The following KCNQ3 variants were observed in gnomAD, a reference collection of about 807,000 sequenced individuals.
KCNQ3 encodes potassium voltage-gated channel subfamily KQT member 3.
Under a neutral mutation model 92.5 loss-of-function variants are expected in KCNQ3, and 30 were observed. That is an observed-to-expected ratio of 0.32 (90% CI 0.24 to 0.44). The LOEUF is 0.44. Among genes scored for constraint, KCNQ3 ranks in the 20% least tolerant of loss-of-function variants. The pLI, the probability that KCNQ3 is intolerant of heterozygous loss-of-function variation, is 1.00. For synonymous variants in KCNQ3, 450 were observed against 468.8 expected, an observed-to-expected ratio of 0.96 and a Z score of 0.52; for missense variants, 913 against 1,140.3, an observed-to-expected ratio of 0.80 and a Z score of 2.87.
At chr8:132,302,444 C>T (rs546320964) in intron 1 of KCNQ3, among the ~76,000 whole-genome samples, 1 of 152,338 alleles carries the variant, frequency 6.6e-6, no homozygotes, top group South Asian at 2.1e-4. Flanking sequence ...ACACTTTACT[C>T]TTGATATGAT....
intron 1 of KCNQ3, among the ~76,000 whole-genome samples, chr8:132,360,481 G>A (rs576569673): frequency 3.3e-5 from 5 of 152,308 alleles, no homozygotes; most frequent in Admixed American, 2.0e-4. Flanking sequence ...CAGGAACAGA[G>A]CCAGGCACAT....
At chr8:132,463,873 C>T (rs1314850171) in intron 1 of KCNQ3, among the ~76,000 whole-genome samples, 4 of 152,208 alleles carry the variant, frequency 2.6e-5, no homozygotes, top group East Asian at 1.9e-4. Context: ...AGTGCAATGG[C>T]ACAGTCTCGG....
intron 1 of KCNQ3, among the ~76,000 whole-genome samples, chr8:132,273,448 A>C (rs945496048): frequency 5.3e-5 from 8 of 152,186 alleles, no homozygotes; most frequent in African/African-American, 1.9e-4. Context: ...CCCTGGGCCC[A>C]GCCCATGAAA....
At chr8:132,205,590 C>T (rs1007219379) in intron 1 of KCNQ3, among the ~76,000 whole-genome samples, 1 of 152,198 alleles carries the variant, frequency 6.6e-6, no homozygotes, top group Non-Finnish European at 1.5e-5. Context: ...TCTTTGATCC[C>T]AGCCTCTTAT....
chr8:132,403,016 C>CAAAAAA (rs375099145), intron 1 of KCNQ3, among the ~76,000 whole-genome samples: 1,904 of 67,566 alleles, frequency 0.028, 291 homozygotes, highest in African/African-American at 0.1. Context: ...GGCACCATCA[C>CAAAAAA]AAAAAAAAAA....
chr8:132,451,979 G>C (rs547861389), intron 1 of KCNQ3, among the ~76,000 whole-genome samples: 7 of 152,262 alleles, frequency 4.6e-5, no homozygotes, highest in Admixed American at 1.3e-4. Context: ...CCCTGGAGTT[G>C]GAGGGCACCT....
At position 132,155,448 on chromosome 8, in the gene KCNQ3, G is replaced by A. The variant is rs549055859; in HGVS notation, c.1262+8020C>T. Among the ~76,000 whole-genome samples, 9 of 152,254 alleles carry A rather than the reference G, an allele frequency of 5.9e-5. No individual in the cohort carries two copies. The South Asian group carries it at 1.5e-3, about 25-fold the overall frequency. Reference sequence around the variant, plus strand: ...ACCTGGAAATATGGTTGCAAATCAGGATAACAATGATAATAAAAGCAAACC... The same window carrying A: ...ACCTGGAAATATGGTTGCAAATCAGAATAACAATGATAATAAAAGCAAACC... On this transcript the variant is annotated intron_variant, in intron 9 of 14. Transcript: ENST00000388996.
intron 1 of KCNQ3, among the ~76,000 whole-genome samples, chr8:132,247,196 A>G (rs1312821042): frequency 6.6e-6 from 1 of 152,172 alleles, no homozygotes; most frequent in Non-Finnish European, 1.5e-5. Context: ...TACTTTCTCC[A>G]TGAACTCCAA....
intron 3 of KCNQ3, among the ~76,000 whole-genome samples, chr8:132,180,832 T>A (rs1451062638): frequency 1.0e-4 from 4 of 38,328 alleles, no homozygotes; most frequent in African/African-American, 4.3e-4. Context: ...AGAGAGAGAA[T>A]GTTAAAAAAA....
At chr8:132,382,922 A>G (rs1296685040) in intron 1 of KCNQ3, among the ~76,000 whole-genome samples, 1 of 152,204 alleles carries the variant, frequency 6.6e-6, no homozygotes, top group Non-Finnish European at 1.5e-5. Context: ...CATCTGTAAA[A>G]TGGAGCTAAG....
At chr8:132,359,327 T>A (rs954570482) in intron 1 of KCNQ3, among the ~76,000 whole-genome samples, 2 of 152,222 alleles carry the variant, frequency 1.3e-5, no homozygotes, top group African/African-American at 4.8e-5. Context: ...CACTTGCCAA[T>A]TTCCCAGCAT....
intron 1 of KCNQ3, among the ~76,000 whole-genome samples, chr8:132,410,320 G>A (rs1352533170): frequency 6.6e-6 from 1 of 152,174 alleles, no homozygotes; most frequent in African/African-American, 2.4e-5. Flanking sequence ...TTCCTAAAGG[G>A]AGAGGTAAAT....
At chr8:132,166,567 G>A (rs1826149085) in intron 8 of KCNQ3, among the ~76,000 whole-genome samples, 1 of 152,058 alleles carries the variant, frequency 6.6e-6, no homozygotes, top group African/African-American at 2.4e-5. Flanking sequence ...AACTTCTTGG[G>A]GGTTCCTGAA....
chr8:132,269,159 C>T (rs1030453000), intron 1 of KCNQ3, among the ~76,000 whole-genome samples: 1 of 152,130 alleles, frequency 6.6e-6, no homozygotes, highest in Non-Finnish European at 1.5e-5. Context: ...ACAGTCTGTG[C>T]TTGTCTTTTC....
At position 132,139,950 on chromosome 8, in the gene KCNQ3, G is replaced by C. The variant is rs967059910; in HGVS notation, c.1568+126C>G. 1.8e-5 allele frequency: 12 copies of C among 672,880 alleles called. No individual in the cohort carries two copies. The African/African-American group carries it at 2.0e-4, about 11-fold the overall frequency. 41.7% of individuals were successfully genotyped at this position (672,880 alleles called of 1,614,324 possible). Reference sequence around the variant, plus strand: ...TTACATACTTCAGGGACCTAACTCAGGGTTAGTGGAGGGGCTTCTCTTCCC... The same window carrying C: ...TTACATACTTCAGGGACCTAACTCACGGTTAGTGGAGGGGCTTCTCTTCCC... On this transcript the variant is annotated intron_variant, in intron 11 of 14. Transcript: ENST00000388996.
At chr8:132,429,201 G>C (rs901888669) in intron 1 of KCNQ3, among the ~76,000 whole-genome samples, 1 of 152,184 alleles carries the variant, frequency 6.6e-6, no homozygotes, top group African/African-American at 2.4e-5. Flanking sequence ...TGAAGAAGTG[G>C]ATGACCTGGT....
chr8:132,140,188 A>T lies in KCNQ3; in HGVS notation c.1466-10T>A, dbSNP rs753244406. 5 of 1,601,988 alleles carry T rather than the reference A, an allele frequency of 3.1e-6. No individual in the cohort carries two copies. Among genetic ancestry groups the T allele is most frequent in the Non-Finnish European group, 4.3e-6 (5 of 1,169,814 alleles). On this transcript the variant is annotated splice_polypyrimidine_tract_variant and intron_variant, in intron 10 of 14. Transcript: ENST00000388996. ...TCACCTGTCCCGGCATCTGGGAGGG[A>T]GACACACATATGAACGGCAGGCCAC...
intron 1 of KCNQ3, among the ~76,000 whole-genome samples, chr8:132,284,577 A>G (rs1816625290): frequency 6.6e-6 from 1 of 152,190 alleles, no homozygotes; most frequent in Non-Finnish European, 1.5e-5. Flanking sequence ...TCGGGTTACC[A>G]GCCCAAAACA....
At chr8:132,303,613 T>C (rs1275712374) in intron 1 of KCNQ3, among the ~76,000 whole-genome samples, 2 of 12,448 alleles carry the variant, frequency 1.6e-4, no homozygotes, top group Non-Finnish European at 1.2e-4. Context: ...TGTGTATATA[T>C]ATATATATAT....
Sources: allele counts gnomAD v4.1 joint callset (sites outside exome capture counted in the v4.1 genomes callset), GRCh38; gene constraint gnomAD v4.1.1; transcripts MANE v1.5; gene names NCBI Gene and HGNC (gene_info 2026-07-23, HGNC 2026-07-21).